Variants in PDGFD observed in about 807,000 individuals in gnomAD.
PDGFD encodes platelet-derived growth factor D.
PDGFD carries 30 observed loss-of-function variants against 44.7 expected under a neutral mutation model. The ratio of observed to expected loss-of-function variants is 0.67; its 90% CI spans 0.50 to 0.91. PDGFD has a LOEUF of 0.91. PDGFD is among the 40% of genes least tolerant of loss of function. The pLI is 0.00. For missense variants in PDGFD, 445 were observed against 457.8 expected (o/e 0.97, Z 0.25); for synonymous variants, 173 against 168.4 (o/e 1.03, Z -0.21).
intron 1 of PDGFD, among the ~76,000 whole-genome samples, chr11:104,002,058 G>C (rs1294750043): frequency 6.6e-6 from 1 of 152,310 alleles, no homozygotes; most frequent in South Asian, 2.1e-4. Flanking sequence ...CCTGCCTCCA[G>C]ATGAAGGCAG....
At chr11:103,955,657 G>A (rs1006207270) in intron 3 of PDGFD, among the ~76,000 whole-genome samples, 1 of 152,146 alleles carries the variant, frequency 6.6e-6, no homozygotes, top group Non-Finnish European at 1.5e-5. Flanking sequence ...AAGAGTCTAA[G>A]AATCAATAAT....
At chr11:104,066,400 T>C (rs1483501) in intron 1 of PDGFD, among the ~76,000 whole-genome samples, 7,535 of 152,278 alleles carry the variant, frequency 0.049, 219 homozygotes, top group Non-Finnish European at 0.074. Flanking sequence ...GTGCTAACAA[T>C]GTATTTCTTT....
chr11:104,094,700 C>T (rs762629505), intron 1 of PDGFD, among the ~76,000 whole-genome samples: 2 of 152,118 alleles, frequency 1.3e-5, no homozygotes, highest in African/African-American at 2.4e-5. Flanking sequence ...TTTTCTCCAA[C>T]TGCCCTGCCA....
Position 104,051,095 on chromosome 11 carries a change from A to C in PDGFD, c.125-50840T>G, listed in dbSNP as rs796808209. On this transcript the variant is annotated intron_variant, in intron 1 of 6. Coordinates refer to ENST00000393158, the MANE Select transcript of PDGFD (RefSeq NM_025208.5). ...AAAGAAACAGGCAGCACAAGGTGAT[A>C]CAGGAAAAAAAAATGCCCTCCATTA... is the stretch of plus-strand genomic sequence containing the variant. Among the ~76,000 whole-genome samples the C allele has an allele frequency of 2.9e-5, 4 of 140,002 alleles. No individual in the cohort carries two copies. In the South Asian group the frequency reaches 8.9e-4, roughly 31 times the overall value. The allele number at this position is 140,002 out of a possible 152,430, so 91.8% of individuals were successfully genotyped here. A position where few individuals can be genotyped will look rare whatever the true frequency, so the allele number is the denominator to read the frequency against.
intron 3 of PDGFD, among the ~76,000 whole-genome samples, chr11:103,967,490 A>G (rs116618836): frequency 6.6e-6 from 1 of 152,240 alleles, no homozygotes; most frequent in African/African-American, 2.4e-5. Context: ...TCTCTTGCTA[A>G]TATCTCTCTC....
chr11:104,041,824 G>GA (rs1334247950), intron 1 of PDGFD, among the ~76,000 whole-genome samples: 1 of 152,106 alleles, frequency 6.6e-6, no homozygotes, highest in Non-Finnish European at 1.5e-5. Context: ...TCTGCAAAAA[G>GA]AAAAAGATAA....
intron 5 of PDGFD, among the ~76,000 whole-genome samples, chr11:103,936,809 T>C: frequency 6.7e-6 from 1 of 149,424 alleles, no homozygotes. Flanking sequence ...AAAATACTGT[T>C]TTTTTGTTTG....
At chr11:104,102,933 T>TG (rs2134446707) in intron 1 of PDGFD, among the ~76,000 whole-genome samples, 1 of 151,900 alleles carries the variant, frequency 6.6e-6, no homozygotes, top group South Asian at 2.1e-4. Context: ...TGTTGTGGGC[T>TG]GGGGGGAGAG....
chr11:104,063,696 A>G (rs1860746690), intron 1 of PDGFD, among the ~76,000 whole-genome samples: 1 of 152,164 alleles, frequency 6.6e-6, no homozygotes, highest in African/African-American at 2.4e-5. Flanking sequence ...CACATGTTAC[A>G]TGGCAGCACG....
chr11:104,037,472 A>T, intron 1 of PDGFD: 1 of 1,614,098 alleles, frequency 6.2e-7, no homozygotes, highest in Non-Finnish European at 8.5e-7. Context: ...ATAGAAGAGG[A>T]AATCCGGCAG....
chr11:104,144,975 GA>G (rs1415952111), intron 1 of PDGFD, among the ~76,000 whole-genome samples: 2 of 152,152 alleles, frequency 1.3e-5, no homozygotes, highest in Non-Finnish European at 2.9e-5. Flanking sequence ...AGTATACTCT[GA>G]AAAAATGTGG....
intron 5 of PDGFD, among the ~76,000 whole-genome samples, chr11:103,937,120 C>A: frequency 6.6e-6 from 1 of 152,052 alleles, no homozygotes; most frequent in Non-Finnish European, 1.5e-5. Flanking sequence ...GCCACTGTGT[C>A]GAGTCTAAAA....
At chr11:104,063,549 G>A (rs373914058) in intron 1 of PDGFD, among the ~76,000 whole-genome samples, 2 of 152,034 alleles carry the variant, frequency 1.3e-5, no homozygotes, top group South Asian at 2.1e-4. Flanking sequence ...GTATTAGTCC[G>A]TTTTCACACT....
At chr11:103,917,274 T>C (rs1275879057) in intron 6 of PDGFD, among the ~76,000 whole-genome samples, 3 of 152,302 alleles carry the variant, frequency 2.0e-5, no homozygotes, top group African/African-American at 7.2e-5. Context: ...AATCAATAAG[T>C]ATATCATTAA....
intron 1 of PDGFD, among the ~76,000 whole-genome samples, chr11:104,146,309 G>A (rs8181543): frequency 0.24 from 36,163 of 152,082 alleles, 4,355 homozygotes; most frequent in Middle Eastern, 0.34. Flanking sequence ...TATCTCAATG[G>A]TGAGAAAAGA....
At chr11:103,928,094 C>A (rs563501868) in intron 5 of PDGFD, among the ~76,000 whole-genome samples, 45 of 152,142 alleles carry the variant, frequency 3.0e-4, no homozygotes, top group Admixed American at 5.2e-4. Context: ...ACTAAAAGCA[C>A]CACAATATTT....
intron 1 of PDGFD, among the ~76,000 whole-genome samples, chr11:104,012,860 C>A (rs991737671): frequency 6.6e-6 from 1 of 152,322 alleles, no homozygotes; most frequent in South Asian, 2.1e-4. Flanking sequence ...CTAAGAAAAC[C>A]ACATGGCCAT....
chr11:104,137,247 G>A (rs932503464), intron 1 of PDGFD, among the ~76,000 whole-genome samples: 11 of 152,174 alleles, frequency 7.2e-5, no homozygotes, highest in African/African-American at 2.6e-4. Flanking sequence ...ATACAGAGCT[G>A]TATCCTAAAT....
intron 6 of PDGFD, among the ~76,000 whole-genome samples, chr11:103,924,961 C>T (rs1858281770): frequency 6.6e-6 from 1 of 152,140 alleles, no homozygotes; most frequent in African/African-American, 2.4e-5. Context: ...TATCCCTCCC[C>T]CAACCCCCAA....
Sources: gnomAD v4.1 joint callset for allele counts (sites outside exome capture counted in the v4.1 genomes callset) on GRCh38, gnomAD v4.1.1 for gene constraint, MANE v1.5 for transcripts, NCBI Gene and HGNC (gene_info 2026-07-23, HGNC 2026-07-21) for gene names.